Variants in VRK3 observed in about 807,000 individuals in gnomAD.
The protein encoded by VRK3 is serine/threonine-protein kinase VRK3.
In VRK3, 50 loss-of-function variants were observed where a neutral mutation model predicts 60.4. That is an observed-to-expected ratio of 0.83 (90% CI 0.66 to 1.05). The LOEUF (loss-of-function observed/expected upper bound fraction) is 1.05. Ranked by LOEUF, VRK3 falls within the 50% of genes least tolerant of loss-of-function variation. The probability of loss-of-function intolerance (pLI) is 0.00; values close to 1 mark genes in which losing one functional copy is unlikely to be tolerated. For synonymous variants in VRK3, 246 were observed against 227.8 expected (o/e 1.08, Z -0.72); for missense variants, 549 against 585.3 (o/e 0.94, Z 0.64).
chr19:50,007,016 C>A (rs1369323544), intron 5 of VRK3, among the ~76,000 whole-genome samples: 1 of 152,158 alleles, frequency 6.6e-6, no homozygotes, highest in Non-Finnish European at 1.5e-5. Context: ...CCAGCCCCAC[C>A]CCCAAGCACG....
chr19:49,999,326 G>C (rs184778948), intron 6 of VRK3: 1 of 152,354 alleles, frequency 6.6e-6, no homozygotes, highest in East Asian at 1.9e-4. Context: ...CATAGTGACT[G>C]ACGCGAGCGA....
Position 49,994,315 on chromosome 19 carries a change from T to C in VRK3, c.870+499A>G, listed in dbSNP as rs556324711. Among the ~76,000 whole-genome samples, 10 of 152,272 alleles carry C rather than the reference T, an allele frequency of 6.6e-5. No homozygotes were observed. In the South Asian group the frequency reaches 2.1e-3, roughly 32 times the overall value. The stretch of plus-strand genomic sequence containing the variant: ...GACACAGAAACCATGTTTATGCTGC[T>C]CCCTGCTCTGCACCCAGCCCCGGGG... On this transcript the variant is annotated intron_variant, in intron 9 of 14. Coordinates refer to ENST00000316763, the MANE Select transcript of VRK3 (RefSeq NM_016440.4).
intron 3 of VRK3, among the ~76,000 whole-genome samples, chr19:50,014,491 G>A (rs761125183): frequency 2.0e-5 from 3 of 151,750 alleles, no homozygotes; most frequent in African/African-American, 4.8e-5. Context: ...CCTGGGAGAC[G>A]GAGGTTGCAG....
chr19:50,002,899 CA>C (rs2076833163), intron 5 of VRK3, among the ~76,000 whole-genome samples: 1 of 152,162 alleles, frequency 6.6e-6, no homozygotes, highest in Non-Finnish European at 1.5e-5. Context: ...CTCCCCTTCC[CA>C]AAGGTCAGCT....
intron 14 of VRK3, among the ~76,000 whole-genome samples, chr19:49,977,965 G>A (rs2076358911): frequency 6.6e-6 from 1 of 152,190 alleles, no homozygotes; most frequent in South Asian, 2.1e-4. Context: ...CAGATGTAAG[G>A]AAACGTTGTG....
chr19:49,995,820 C>T lies in VRK3; in HGVS notation c.680-545G>A, dbSNP rs939813711. 3.9e-5 allele frequency among the ~76,000 whole-genome samples: 6 copies of T among 152,334 alleles called. No individual in the cohort carries two copies. The East Asian group carries it at 1.2e-3, about 29-fold the overall frequency. On this transcript the variant is annotated intron_variant, in intron 7 of 14. Coordinates refer to ENST00000316763, the MANE Select transcript of VRK3 (RefSeq NM_016440.4). ...ATGGAATACAATGGCGCGATCTTGG[C>T]TCACTGCAACCTCCGCTTCCTGATT...
At chr19:50,020,976 G>C (rs1027730268) in intron 1 of VRK3, among the ~76,000 whole-genome samples, 1 of 152,190 alleles carries the variant, frequency 6.6e-6, no homozygotes, top group African/African-American at 2.4e-5. Context: ...AAGAAAACAG[G>C]ATGCCACAGA....
chr19:49,981,934 C>A, intron 12 of VRK3: 1 of 717,368 alleles, frequency 1.4e-6, no homozygotes, highest in South Asian at 2.1e-5. Context: ...TCATGCTGTG[C>A]CTGAGAGGGG....
intron 1 of VRK3, 80 bp from the exon 2 acceptor site, chr19:50,020,727 C>T (rs1227457018): frequency 6.6e-6 from 1 of 152,248 alleles, no homozygotes; most frequent in Non-Finnish European, 1.5e-5. Context: ...TTACTGAGCA[C>T]TGGCCATGTC....
rs180811462 is a variant in VRK3, at chr19:49,992,884, A to G, written c.939T>C (p.Phe313=). ...CCTGACTCTGGTCCTCTGGATCCACAAAGATATTTTCAGCTGTCACATTTC... is the reference window on the plus strand; with the variant it reads ...CCTGACTCTGGTCCTCTGGATCCACGAAGATATTTTCAGCTGTCACATTTC... ...VHGNVTAENI[F]VDPEDQSQVT... The change falls in exon 10 of 15, where the codon TTT becomes TTC. Residue 313 remains phenylalanine, a synonymous_variant. Transcript: ENST00000316763. 12 of 1,614,076 alleles carry G rather than the reference A, an allele frequency of 7.4e-6. No individual in the cohort carries two copies. The African/African-American group carries it at 1.6e-4, about 22-fold the overall frequency.
At chr19:49,985,760 G>C (rs1292627904) in intron 12 of VRK3, among the ~76,000 whole-genome samples, 1 of 152,180 alleles carries the variant, frequency 6.6e-6, no homozygotes, top group Non-Finnish European at 1.5e-5. Flanking sequence ...CTAGCACATG[G>C]CAAGGGTTCA....
At chr19:49,997,745 C>A in intron 6 of VRK3, 175 bp from the exon 7 acceptor site, 1 of 590,522 alleles carries the variant, frequency 1.7e-6, no homozygotes, top group South Asian at 2.3e-5. Context: ...CTGCGAGCTA[C>A]CTTGCTGTAC....
At chr19:50,017,381 C>T (rs1470582397) in intron 2 of VRK3, among the ~76,000 whole-genome samples, 9 of 151,738 alleles carry the variant, frequency 5.9e-5, no homozygotes, top group East Asian at 1.9e-4. Context: ...CCAAGACCAA[C>T]CTGACCAACA....
intron 3 of VRK3, among the ~76,000 whole-genome samples, chr19:50,015,280 A>G (rs2077057072): frequency 6.6e-6 from 1 of 152,106 alleles, no homozygotes; most frequent in African/African-American, 2.4e-5. Flanking sequence ...CAGGATGCTC[A>G]AGGGAAATTT....
At chr19:49,981,454 A>G (rs1176756644) in intron 12 of VRK3, among the ~76,000 whole-genome samples, 1 of 152,198 alleles carries the variant, frequency 6.6e-6, no homozygotes, top group Non-Finnish European at 1.5e-5. Flanking sequence ...CTGAGGCAGG[A>G]GAATGGCATG....
intron 12 of VRK3, among the ~76,000 whole-genome samples, chr19:49,983,394 C>T (rs2123024008): frequency 6.6e-6 from 1 of 152,370 alleles, no homozygotes; most frequent in South Asian, 2.1e-4. Flanking sequence ...CCAGACCCCT[C>T]CAGGCGGAGG....
chr19:50,017,574 C>CA (rs1321466617), intron 2 of VRK3, among the ~76,000 whole-genome samples: 1,406 of 39,102 alleles, frequency 0.036, 173 homozygotes, highest in South Asian at 0.061. Flanking sequence ...AACTCTGCCT[C>CA]AAAAAAAAAA....
intron 1 of VRK3, among the ~76,000 whole-genome samples, chr19:50,022,404 A>G (rs904405868): frequency 6.6e-6 from 1 of 152,176 alleles, no homozygotes; most frequent in African/African-American, 2.4e-5. Context: ...TTCGGCTTCT[A>G]CGCTTGTCCC....
Position 50,009,297 on chromosome 19 carries a change from G to C in VRK3, c.228C>G (p.Leu76=). ...ACTCAGAACTGTCACCATCTGAGAA[G>C]AGGGATAATCGGGGAGAGGTGACGG... ...SSTVTSPRLS[L]FSDGDSSESE... is the part of the protein sequence containing the mutation. Residue 76 remains leucine (L), a synonymous_variant, in exon 4 of 15, where the codon CTC becomes CTG. Coordinates refer to ENST00000316763, the MANE Select transcript of VRK3 (RefSeq NM_016440.4). The C allele has an allele frequency of 6.2e-7, 1 of 1,614,196 alleles. No homozygotes were observed. The highest frequency in any genetic ancestry group is 8.5e-7 in the Non-Finnish European group (1 of 1,180,024).
Sources: gnomAD v4.1 joint callset for allele counts (sites outside exome capture counted in the v4.1 genomes callset) on GRCh38, gnomAD v4.1.1 for gene constraint, MANE v1.5 for transcripts, NCBI Gene and HGNC (gene_info 2026-07-23, HGNC 2026-07-21) for gene names.